Variants in PIK3C2G observed in about 807,000 individuals in gnomAD.
PIK3C2G encodes phosphatidylinositol-4-phosphate 3-kinase catalytic subunit type 2 gamma.
In PIK3C2G, 168 loss-of-function variants were observed where a neutral mutation model predicts 181.1. The observed-to-expected ratio is 0.93, with a 90% confidence interval of 0.82 to 1.05. The LOEUF (loss-of-function observed/expected upper bound fraction) is 1.05. Among genes scored for constraint, PIK3C2G ranks in the 50% least tolerant of loss-of-function variants. The pLI is 0.00. For synonymous variants in PIK3C2G, 573 were observed against 592.2 expected (o/e 0.97, Z 0.47); for missense variants, 1,869 against 1,732.8 (o/e 1.08, Z -1.40).
chr12:18,371,878 A>G lies in PIK3C2G; in HGVS notation c.1880+567A>G, dbSNP rs1418449826. Reference sequence around the variant, plus strand: ...ATATTCAGAATACTTGATAAAATCAATTACATGATGTTCTATGGTATTAAG... The same window carrying G: ...ATATTCAGAATACTTGATAAAATCAGTTACATGATGTTCTATGGTATTAAG... On this transcript the variant is annotated intron_variant, in intron 13 of 32. Transcript: ENST00000538779. Among the ~76,000 whole-genome samples, 3 of 152,298 alleles carry G rather than the reference A, an allele frequency of 2.0e-5. No individual in the cohort carries two copies. In the East Asian group the frequency reaches 5.8e-4, roughly 29 times the overall value.
At chr12:18,570,828 C>T (rs931617926) in intron 29 of PIK3C2G, among the ~76,000 whole-genome samples, 1 of 150,690 alleles carries the variant, frequency 6.6e-6, no homozygotes, top group Non-Finnish European at 1.5e-5. Context: ...TAAGAAAGAT[C>T]TGGATCGACC....
chr12:18,271,562 C>T lies in PIK3C2G; in HGVS notation c.-79+9985C>T, dbSNP rs573769876. On this transcript the variant is annotated intron_variant, in intron 1 of 32. Transcript: ENST00000538779. Reference sequence around the variant, plus strand: ...AAGCAGCTTGCTTTTCACTTATTTTCCTCTTACCAGGGCCACAAGTGGACA... The same window carrying T: ...AAGCAGCTTGCTTTTCACTTATTTTTCTCTTACCAGGGCCACAAGTGGACA... Among the ~76,000 whole-genome samples the T allele has an allele frequency of 3.9e-5, 6 of 152,180 alleles. No homozygotes were observed. In the South Asian group the frequency reaches 8.3e-4, roughly 21 times the overall value.
At chr12:18,541,702 A>T (rs1224291343) in intron 25 of PIK3C2G, among the ~76,000 whole-genome samples, 4 of 151,930 alleles carry the variant, frequency 2.6e-5, no homozygotes, top group African/African-American at 9.7e-5. Context: ...GTATCTGTTC[A>T]CTTCCTGTTC....
At chr12:18,375,831 G>T (rs1043904128) in intron 13 of PIK3C2G, among the ~76,000 whole-genome samples, 1 of 152,190 alleles carries the variant, frequency 6.6e-6, no homozygotes, top group Non-Finnish European at 1.5e-5. Flanking sequence ...GGTGGCTCTG[G>T]CTCCAGCTTC....
chr12:18,543,147 T>C (rs549688771), intron 25 of PIK3C2G, among the ~76,000 whole-genome samples: 3 of 118,324 alleles, frequency 2.5e-5, no homozygotes, highest in South Asian at 6.1e-4. Context: ...ATCAGTGACA[T>C]TGAGCTTTTT....
intron 26 of PIK3C2G, among the ~76,000 whole-genome samples, chr12:18,556,891 A>G (rs1170342565): frequency 2.6e-5 from 4 of 152,156 alleles, no homozygotes; most frequent in Non-Finnish European, 5.9e-5. Context: ...TAGTGGAAAA[A>G]TTTGGAATTT....
At position 18,497,641 on chromosome 12, in the gene PIK3C2G, A is replaced by G; in HGVS notation, c.2909A>G (p.Asp970Gly). ...CAGGCTGGAGATGATCTTCGTCAGG[A>G]TATGCTTGTTCTGCAGCTTATTCAA... is the stretch of plus-strand genomic sequence containing the variant. ...IFKAGDDLRQ[D>G]MLVLQLIQVM... is the part of the protein sequence containing the mutation. The change falls in exon 22 of 33, where the codon GAT becomes GGT. Residue 970 changes from aspartate to glycine, a missense_variant. Coordinates refer to ENST00000538779, the MANE Select transcript of PIK3C2G (RefSeq NM_001288772.2). The G allele has an allele frequency of 6.2e-7, 1 of 1,613,006 alleles. No homozygotes were observed. The highest frequency in any genetic ancestry group is 8.5e-7 in the Non-Finnish European group (1 of 1,179,264).
rs183326176 is a variant in PIK3C2G at position 18,261,526 on chromosome 12, C to G, written c.-130C>G. 6.6e-6 allele frequency: 1 copy of G among 152,146 alleles called. No individual in the cohort carries two copies. The highest frequency in any genetic ancestry group is 1.9e-4 in the East Asian group (1 of 5,170). 9.4% of individuals were successfully genotyped at this position (152,146 alleles called of 1,614,324 possible). Reference sequence around the variant, plus strand: ...TTTTAGCTTGTGTGAGCGTATTTGACTCTTGAAAAGAAATGAGATCGTGTT... The same window carrying G: ...TTTTAGCTTGTGTGAGCGTATTTGAGTCTTGAAAAGAAATGAGATCGTGTT... On this transcript the variant is annotated 5_prime_UTR_variant, in exon 1 of 33. Transcript: ENST00000538779.
chr12:18,426,977 C>T (rs1945852620), intron 18 of PIK3C2G, among the ~76,000 whole-genome samples: 1 of 152,060 alleles, frequency 6.6e-6, no homozygotes, highest in East Asian at 1.9e-4. Context: ...TTCAGTTTTT[C>T]AGAAAGCTAC....
intron 22 of PIK3C2G, among the ~76,000 whole-genome samples, chr12:18,500,585 C>G (rs1383458697): frequency 6.6e-6 from 1 of 152,338 alleles, no homozygotes; most frequent in East Asian, 1.9e-4. Flanking sequence ...GCGAGATCCA[C>G]TGGGTGACGC....
Position 18,571,907 on chromosome 12 carries a change from T to A in PIK3C2G, c.4011+4850T>A, listed in dbSNP as rs1945964096. ...TGTGTATATGTTATACTCAAGTCTATCACCTAATGCTTTTTCTCTTTTCTT... is the reference window on the plus strand; with the variant it reads ...TGTGTATATGTTATACTCAAGTCTAACACCTAATGCTTTTTCTCTTTTCTT... On this transcript the variant is annotated intron_variant, in intron 29 of 32. Coordinates refer to ENST00000538779, the MANE Select transcript of PIK3C2G (RefSeq NM_001288772.2). Among the ~76,000 whole-genome samples the A allele has an allele frequency of 1.3e-5, 2 of 150,836 alleles. 1 individual carries two copies. Among genetic ancestry groups the A allele is most frequent in the African/African-American group, 4.9e-5 (2 of 40,434 alleles).
intron 16 of PIK3C2G, among the ~76,000 whole-genome samples, chr12:18,413,833 T>C (rs1010498324): frequency 6.6e-6 from 1 of 152,166 alleles, no homozygotes; most frequent in African/African-American, 2.4e-5. Flanking sequence ...AAATAGGTTG[T>C]AGTTTTTCTG....
the PIK3C2G span, among the ~76,000 whole-genome samples, chr12:18,681,508 G>A: frequency 6.6e-6 from 1 of 151,992 alleles, no homozygotes; most frequent in African/African-American, 2.4e-5. Flanking sequence ...TGACTCTGGA[G>A]TTTTACATGA....
At chr12:18,675,378 C>T in the PIK3C2G span, among the ~76,000 whole-genome samples, 2 of 152,108 alleles carry the variant, frequency 1.3e-5, no homozygotes, top group Non-Finnish European at 2.9e-5. Flanking sequence ...AACAGATCTT[C>T]ACATGGATGC....
At chr12:18,664,321 A>T in the PIK3C2G span, among the ~76,000 whole-genome samples, 1 of 152,190 alleles carries the variant, frequency 6.6e-6, no homozygotes, top group African/African-American at 2.4e-5. Flanking sequence ...ATATTTGTAC[A>T]TCCATGTTTA....
Position 18,648,198 on chromosome 12 carries a change from C to A in PIK3C2G, c.*170C>A. 1 of 367,620 alleles carries A rather than the reference C, an allele frequency of 2.7e-6. No homozygotes were observed. Among genetic ancestry groups the A allele is most frequent in the Non-Finnish European group, 4.9e-6 (1 of 206,038 alleles). The allele number at this position is 367,620 out of a possible 1,614,324, so 22.8% of individuals were successfully genotyped here. ...TTGTGTTGTTTATTTTCTACCTGTG[C>A]TTTCATTGTTTTTTCATAATCTTTT... On this transcript the variant is annotated 3_prime_UTR_variant, in exon 33 of 33. Transcript: ENST00000538779.
upstream of PIK3C2G, among the ~76,000 whole-genome samples, chr12:18,259,062 T>G (rs943627527): frequency 1.3e-5 from 2 of 152,098 alleles, no homozygotes; most frequent in African/African-American, 4.8e-5. Flanking sequence ...GTATCTGCCT[T>G]CATTTGTTTT....
At chr12:18,250,580 T>A (rs1342926170) in intron 1 of PIK3C2G, among the ~76,000 whole-genome samples, 2 of 152,032 alleles carry the variant, frequency 1.3e-5, no homozygotes, top group East Asian at 3.9e-4. Context: ...TTCATTAACA[T>A]CCAAGTTAAC....
At chr12:18,544,410 A>T (rs528410622) in intron 25 of PIK3C2G, among the ~76,000 whole-genome samples, 26 of 151,982 alleles carry the variant, frequency 1.7e-4, no homozygotes, top group African/African-American at 6.3e-4. Context: ...CAGATAACAG[A>T]GTTTATGTAA....
Sources: allele counts gnomAD v4.1 joint callset (sites outside exome capture counted in the v4.1 genomes callset), GRCh38; gene constraint gnomAD v4.1.1; transcripts MANE v1.5; gene names NCBI Gene and HGNC (gene_info 2026-07-23, HGNC 2026-07-21).